Variants in SYTL5 observed in about 807,000 individuals in gnomAD.
SYTL5 encodes synaptotagmin-like protein 5.
SYTL5 carries 34 observed loss-of-function variants against 55.9 expected under a neutral mutation model. The ratio of observed to expected loss-of-function variants is 0.61; its 90% CI spans 0.46 to 0.81. SYTL5 has a LOEUF of 0.81. Among genes scored for constraint, SYTL5 ranks in the 30% least tolerant of loss-of-function variants. The pLI, the probability that SYTL5 is intolerant of heterozygous loss-of-function variation, is 0.00. For synonymous variants in SYTL5, 221 were observed against 188.7 expected, an observed-to-expected ratio of 1.17 and a Z score of -1.40; for missense variants, 637 against 546.7, an observed-to-expected ratio of 1.17 and a Z score of -1.65.
intron 2 of SYTL5, among the ~76,000 whole-genome samples, chrX:38,052,409 A>G: frequency 8.9e-6 from 1 of 111,975 alleles, no homozygotes; most frequent in Non-Finnish European, 1.9e-5. Flanking sequence ...GTGTAGGCGT[A>G]CTATAAGTGC....
chrX:37,939,470 G>A, the SYTL5 span: 2 of 111,633 alleles, frequency 1.8e-5, no homozygotes, highest in Non-Finnish European at 3.8e-5. Context: ...CCTGTATAGG[G>A]CAGCGGCAGG....
chrX:38,121,195 C>T (rs906152736), intron 14 of SYTL5, among the ~76,000 whole-genome samples: 2 of 111,604 alleles, frequency 1.8e-5, no homozygotes, highest in Non-Finnish European at 1.9e-5. Context: ...ACCAAGGGGA[C>T]GGTGCAAAAC....
the SYTL5 span, among the ~76,000 whole-genome samples, chrX:37,993,250 A>T: frequency 8.9e-6 from 1 of 112,255 alleles, no homozygotes; most frequent in Admixed American, 9.5e-5. Flanking sequence ...CAACAACAAC[A>T]ACAACAAAAT....
chrX:38,116,031 C>A (rs1937480916), intron 13 of SYTL5, among the ~76,000 whole-genome samples: 2 of 111,467 alleles, frequency 1.8e-5, no homozygotes, highest in African/African-American at 6.5e-5. Flanking sequence ...TGTTGTGGAG[C>A]TTTTCCCCTA....
the SYTL5 span, among the ~76,000 whole-genome samples, chrX:37,995,872 G>A: frequency 8.9e-6 from 1 of 112,162 alleles, no homozygotes; most frequent in Non-Finnish European, 1.9e-5. Flanking sequence ...TAATGTCCTG[G>A]ATACACTGGA....
At chrX:38,035,633 A>C (rs1331459686) in intron 2 of SYTL5, among the ~76,000 whole-genome samples, 1 of 109,740 alleles carries the variant, frequency 9.1e-6, no homozygotes, top group Non-Finnish European at 1.9e-5. Context: ...GTGGTGGCTC[A>C]CGCCTGTAAT....
At chrX:38,035,140 T>C (rs757827964) in intron 2 of SYTL5, among the ~76,000 whole-genome samples, 6 of 112,720 alleles carry the variant, frequency 5.3e-5, no homozygotes, top group African/African-American at 1.6e-4. Flanking sequence ...TTCCAAGATA[T>C]TCAACTAATC....
chrX:38,090,360 G>A (rs191461383), intron 7 of SYTL5, among the ~76,000 whole-genome samples: 73 of 111,117 alleles, frequency 6.6e-4, no homozygotes, highest in African/African-American at 2.3e-3. Context: ...CATAATGAAG[G>A]CTTAAATTGC....
At chrX:38,021,647 C>T (rs192331641) in intron 1 of SYTL5, among the ~76,000 whole-genome samples, 67 of 112,266 alleles carry the variant, frequency 6.0e-4, no homozygotes, top group African/African-American at 2.1e-3. Context: ...CATTTACTGG[C>T]CCCCTTGTAA....
At chrX:38,083,465 A>G (rs1936587377) in intron 6 of SYTL5, among the ~76,000 whole-genome samples, 1 of 111,744 alleles carries the variant, frequency 8.9e-6, no homozygotes, top group Non-Finnish European at 1.9e-5. Flanking sequence ...TAACATTAGG[A>G]TTCATTTGGC....
the SYTL5 span, among the ~76,000 whole-genome samples, chrX:37,947,936 CAT>C: frequency 1.8e-5 from 2 of 111,756 alleles, no homozygotes; most frequent in East Asian, 5.6e-4. Context: ...AACTCCATTT[CAT>C]ATTTCTTTTC....
At chrX:38,101,452 C>G (rs192082218) in intron 9 of SYTL5, among the ~76,000 whole-genome samples, 62 of 110,906 alleles carry the variant, frequency 5.6e-4, no homozygotes, top group Non-Finnish European at 9.3e-4. Flanking sequence ...TACTTATACT[C>G]AGATTTGTGT....
intron 3 of SYTL5, among the ~76,000 whole-genome samples, chrX:38,065,633 T>G (rs1936077475): frequency 8.9e-6 from 1 of 112,029 alleles, no homozygotes; most frequent in South Asian, 3.7e-4. Context: ...TAGTGCTCTA[T>G]AGTTTCACCA....
the SYTL5 span, among the ~76,000 whole-genome samples, chrX:37,981,403 C>T: frequency 2.7e-5 from 3 of 111,163 alleles, no homozygotes; most frequent in Non-Finnish European, 5.7e-5. Context: ...CCAAACAATC[C>T]TCCCTCCTCA....
rs183337504 is a variant in SYTL5 at position 38,007,458 on chromosome X, G to T, written c.-357+790G>T. Reference sequence around the variant, plus strand: ...AATATATAACTTCTCTTTGCTCCAAGTATATGTGTATGCCTGGAGAAAAGC... The same window carrying T: ...AATATATAACTTCTCTTTGCTCCAATTATATGTGTATGCCTGGAGAAAAGC... On this transcript the variant is annotated intron_variant, in intron 1 of 16. Transcript: ENST00000297875. Among the ~76,000 whole-genome samples the T allele has an allele frequency of 1.9e-3, 213 of 111,332 alleles. 1 individual carries two copies. The Admixed American group carries it at 0.019, about 10-fold the overall frequency.
chrX:38,043,680 TATATATATATAC>T lies in SYTL5; in HGVS notation c.119+9689_119+9700del, dbSNP rs561315373. ...ATGTATGTATATATATATATATATATATATATATATACATATATATATACATATTTTCATATA... is the reference window on the plus strand; with the variant it reads ...ATGTATGTATATATATATATATATATATATATATATACATATTTTCATATA... On this transcript the variant is annotated intron_variant, in intron 2 of 16. Coordinates refer to ENST00000297875, the MANE Select transcript of SYTL5 (RefSeq NM_138780.3). Among the ~76,000 whole-genome samples the T allele has an allele frequency of 9.0e-3, 660 of 73,374 alleles. 12 individuals are homozygous for T. The highest frequency in any genetic ancestry group is 0.037 in the African/African-American group (497 of 13,397). 63.7% of individuals were successfully genotyped at this position (73,374 alleles called of 115,157 possible).
chrX:37,984,638 A>T, the SYTL5 span, among the ~76,000 whole-genome samples: 1 of 111,644 alleles, frequency 9.0e-6, no homozygotes, highest in Non-Finnish European at 1.9e-5. Context: ...TCATCCTATG[A>T]TGCCAGCATT....
the SYTL5 span, among the ~76,000 whole-genome samples, chrX:37,953,899 A>C: frequency 9.0e-6 from 1 of 111,557 alleles, no homozygotes; most frequent in Non-Finnish European, 1.9e-5. Flanking sequence ...GAGACAAACT[A>C]TACAGTAGAC....
chrX:38,094,465 C>G (rs751134289), intron 8 of SYTL5, 41 bp downstream of exon 8: 1 of 1,157,314 alleles, frequency 8.6e-7, no homozygotes, highest in Non-Finnish European at 1.2e-6. Flanking sequence ...TTTAAAATGA[C>G]TAAATCAAAT....
Sources: allele counts gnomAD v4.1 joint callset (sites outside exome capture counted in the v4.1 genomes callset), GRCh38; gene constraint gnomAD v4.1.1; transcripts MANE v1.5; gene names NCBI Gene and HGNC (gene_info 2026-07-23, HGNC 2026-07-21).